The following NOL4L variants were observed in gnomAD, a reference collection of about 807,000 sequenced individuals.
The protein encoded by NOL4L is nucleolar protein 4-like.
In NOL4L, 7 loss-of-function variants were observed where a neutral mutation model predicts 64.5. The observed-to-expected ratio is 0.11, with a 90% CI of 0.06 to 0.20. The LOEUF (loss-of-function observed/expected upper bound fraction) is 0.20. Ranked by LOEUF, NOL4L falls within the 10% of genes least tolerant of loss-of-function variation. The probability of loss-of-function intolerance (pLI) is 1.00; values close to 1 mark genes in which losing one functional copy is unlikely to be tolerated. For missense variants in NOL4L, 680 were observed against 967.1 expected, an observed-to-expected ratio of 0.70 and a Z score of 3.94; for synonymous variants, 413 against 401.0, an observed-to-expected ratio of 1.03 and a Z score of -0.36.
chr20:32,483,340 G>A, intron 4 of NOL4L: 1 of 983,274 alleles, frequency 1.0e-6, no homozygotes, highest in Non-Finnish European at 1.2e-6. Flanking sequence ...CCGATCGCCG[G>A]GATCCGGGCC....
In NOL4L at chr20:32,443,230, G is replaced by C. The variant is rs2012205523; in HGVS notation, c.*4366C>G. The C allele has an allele frequency of 6.6e-6, 1 of 152,216 alleles. No homozygotes were observed. Among genetic ancestry groups the C allele is most frequent in the Admixed American group, 6.5e-5 (1 of 15,284 alleles). 9.4% of individuals were successfully genotyped at this position (152,216 alleles called of 1,614,324 possible). A position where few individuals can be genotyped will look rare whatever the true frequency, so the allele number is the denominator to read the frequency against. ...GGTCTTTTGTTAAGTGAGGGAGAGA[G>C]GGAGTCGGCCTGTGCTAGTCATTCC... On this transcript the variant is annotated 3_prime_UTR_variant, in exon 11 of 11. Transcript: ENST00000621426.
intron 6 of NOL4L, chr20:32,454,002 T>A: frequency 1.8e-6 from 1 of 541,958 alleles, no homozygotes; most frequent in Non-Finnish European, 3.3e-6. Context: ...ACTGCAATAG[T>A]GTATGCAGAG....
In NOL4L at chr20:32,474,677, C is replaced by T. The variant is rs2145482983; in HGVS notation, c.765G>A (p.Pro255=). Residue 255 remains proline, a synonymous_variant, in exon 5 of 11, where the codon CCG becomes CCA. Transcript: ENST00000621426. ...MSDSTWMSAD[P]HLASSLSPSQ... Reference sequence around the variant, plus strand: ...TGGGGCTCAGGCTGGAGGCCAGGTGCGGGTCAGCTGACATCCATGTGGAGT... The same window carrying T: ...TGGGGCTCAGGCTGGAGGCCAGGTGTGGGTCAGCTGACATCCATGTGGAGT... 3.7e-6 allele frequency: 6 copies of T among 1,613,750 alleles called. No individual in the cohort carries two copies. The highest frequency in any genetic ancestry group is 1.3e-5 in the African/African-American group (1 of 75,070).
intron 1 of NOL4L, among the ~76,000 whole-genome samples, chr20:32,537,628 G>C (rs1246286730): frequency 6.6e-6 from 1 of 152,150 alleles, no homozygotes; most frequent in African/African-American, 2.4e-5. Context: ...CTGGATTCGT[G>C]GTGGCTGAAA....
At chr20:32,556,276 G>C (rs796241864) in intron 1 of NOL4L, among the ~76,000 whole-genome samples, 7 of 34,646 alleles carry the variant, frequency 2.0e-4, no homozygotes, top group African/African-American at 4.3e-4. Context: ...TTCCTTTGTG[G>C]GGGGGGGGGG....
At chr20:32,513,497 A>C (rs1281363791) in intron 3 of NOL4L, among the ~76,000 whole-genome samples, 1 of 152,196 alleles carries the variant, frequency 6.6e-6, no homozygotes, top group Admixed American at 6.5e-5. Flanking sequence ...GTTTCTGTTT[A>C]GGGTGATGAA....
chr20:32,474,960 G>GCTTCAATTA (rs1332303316), intron 4 of NOL4L: 1 of 985,128 alleles, frequency 1.0e-6, no homozygotes, highest in Admixed American at 6.1e-5. Flanking sequence ...CTAAGGGCCG[G>GCTTCAATTA]CACTGTCTGT....
Position 32,571,625 on chromosome 20 carries a change from T to A in NOL4L, c.321+12945A>T, listed in dbSNP as rs375638913. On this transcript the variant is annotated intron_variant, in intron 1 of 10. Transcript: ENST00000621426. ...GGAGGCCTATCTCCTCCTCTCCCCA[T>A]GGCACCGTTTCCTTCCTCACAAGAG... Among the ~76,000 whole-genome samples, 8 of 152,302 alleles carry A rather than the reference T, an allele frequency of 5.3e-5. No homozygotes were observed. In the East Asian group the frequency reaches 5.8e-4, roughly 11 times the overall value.
In NOL4L at chr20:32,447,415, A is replaced by AAAG. The variant is rs2012393047; in HGVS notation, c.*180_*181insCTT. On this transcript the variant is annotated 3_prime_UTR_variant, in exon 11 of 11. Coordinates refer to ENST00000621426, the MANE Select transcript of NOL4L (RefSeq NM_001256798.2). ...TGTGGTGAGATTCCAAAAAAAAAAA[A>AAAG]AAAAAAAAAAAAAAGTGTCCTTGTG... 1 of 736,514 alleles carries AAAG rather than the reference A, an allele frequency of 1.4e-6. No individual in the cohort carries two copies. The highest frequency in any genetic ancestry group is 3.5e-5 in the East Asian group (1 of 28,842). 45.6% of individuals were successfully genotyped at this position (736,514 alleles called of 1,614,324 possible). A position where few individuals can be genotyped will look rare whatever the true frequency, so the allele number is the denominator to read the frequency against.
chr20:32,486,733 GT>G, intron 4 of NOL4L: 2 of 471,234 alleles, frequency 4.2e-6, no homozygotes, highest in Non-Finnish European at 8.8e-6. Flanking sequence ...TCCCAATCAA[GT>G]CATCAAATTC....
chr20:32,451,074 G>A (rs2012852053), intron 10 of NOL4L, among the ~76,000 whole-genome samples: 1 of 152,160 alleles, frequency 6.6e-6, no homozygotes, highest in African/African-American at 2.4e-5. Flanking sequence ...CCCAGGAACA[G>A]TGAGGGGTCT....
chr20:32,476,559 G>A (rs973649170), intron 4 of NOL4L, among the ~76,000 whole-genome samples: 2 of 152,222 alleles, frequency 1.3e-5, no homozygotes, highest in African/African-American at 4.8e-5. Flanking sequence ...AAATGCTCAC[G>A]ACTTAAAAGA....
chr20:32,519,167 G>T (rs1018667069), intron 3 of NOL4L, among the ~76,000 whole-genome samples: 1 of 152,208 alleles, frequency 6.6e-6, no homozygotes, highest in Non-Finnish European at 1.5e-5. Context: ...GGATTAACTA[G>T]ATCCATTCCT....
chr20:32,506,884 G>C (rs1250683875), intron 4 of NOL4L, among the ~76,000 whole-genome samples: 2 of 152,208 alleles, frequency 1.3e-5, no homozygotes, highest in Middle Eastern at 3.2e-3. Context: ...AGGTTAATGG[G>C]GGCAAGCTAG....
chr20:32,561,151 T>C (rs112529636), intron 1 of NOL4L: 1,735 of 152,508 alleles, frequency 0.011, 37 homozygotes, highest in African/African-American at 0.04. Context: ...TCTTCCTCCT[T>C]TCACGATGGA....
chr20:32,516,164 G>A (rs1369206280), intron 3 of NOL4L, among the ~76,000 whole-genome samples: 1 of 152,112 alleles, frequency 6.6e-6, no homozygotes, highest in African/African-American at 2.4e-5. Context: ...GGCAGGGGTG[G>A]GCGTCGAAGG....
chr20:32,514,397 C>T (rs563005145), intron 3 of NOL4L, among the ~76,000 whole-genome samples: 2 of 152,084 alleles, frequency 1.3e-5, no homozygotes, highest in South Asian at 4.2e-4. Context: ...GAGGCTGAGG[C>T]AGGAGAATCA....
rs1568654908 is a variant in NOL4L at position 32,494,252 on chromosome 20, G to GAAAAAAAAAAAAAA, written c.699+17094_699+17095insTTTTTTTTTTTTTT. Among the ~76,000 whole-genome samples, 10 of 27,098 alleles carry GAAAAAAAAAAAAAA rather than the reference G, an allele frequency of 3.7e-4. 1 individual carries two copies. Among genetic ancestry groups the GAAAAAAAAAAAAAA allele is most frequent in the African/African-American group, 1.5e-3 (10 of 6,486 alleles). The allele number at this position is 27,098 out of a possible 152,430, so 17.8% of individuals were successfully genotyped here. A position where few individuals can be genotyped will look rare whatever the true frequency, so the allele number is the denominator to read the frequency against. On this transcript the variant is annotated intron_variant, in intron 4 of 10. Coordinates refer to ENST00000621426, the MANE Select transcript of NOL4L (RefSeq NM_001256798.2). ...TGGGCCACAGAGTGAGATAATCTCG[G>GAAAAAAAAAAAAAA]GAAAAAAAAAAAAAAAAAAAAAAAA...
intron 1 of NOL4L, among the ~76,000 whole-genome samples, chr20:32,555,753 G>A (rs944499582): frequency 2.8e-4 from 43 of 152,134 alleles, no homozygotes; most frequent in Non-Finnish European, 5.4e-4. Flanking sequence ...CTGTCCACAA[G>A]CCAAGAAGAG....
Sources: gnomAD v4.1 joint callset for allele counts (sites outside exome capture counted in the v4.1 genomes callset) on GRCh38, gnomAD v4.1.1 for gene constraint, MANE v1.5 for transcripts, NCBI Gene and HGNC (gene_info 2026-07-23, HGNC 2026-07-21) for gene names.